The following TIMP2 variants were observed in gnomAD, a reference collection of about 807,000 sequenced individuals.
The protein encoded by TIMP2 is TIMP metallopeptidase inhibitor 2.
In TIMP2, 5 loss-of-function variants were observed where a neutral mutation model predicts 24.3. That is an observed-to-expected ratio of 0.21 (90% CI 0.11 to 0.43). TIMP2 has a LOEUF of 0.43. Ranked by LOEUF, TIMP2 falls within the 20% of genes least tolerant of loss-of-function variation. The pLI, the probability that TIMP2 is intolerant of heterozygous loss-of-function variation, is 1.00. For missense variants in TIMP2, 221 were observed against 297.5 expected, an observed-to-expected ratio of 0.74 and a Z score of 1.89; for synonymous variants, 130 against 123.2, an observed-to-expected ratio of 1.06 and a Z score of -0.37.
chr17:78,898,914 T>G (rs1231371392), intron 1 of TIMP2: 1 of 152,192 alleles, frequency 6.6e-6, no homozygotes, highest in Non-Finnish European at 1.5e-5. Context: ...ATTTTTGTAT[T>G]TTTAGTAGAG....
At position 78,857,564 on chromosome 17, in the gene TIMP2, C is replaced by T; in HGVS notation, c.423G>A (p.Lys141=). The change falls in exon 4 of 5, where the codon AAG becomes AAA. Residue 141 remains lysine, a synonymous_variant. Transcript: ENST00000262768. ...TCTGGTACCTGTGGTTCAGGCTCTTCTTCTGGGTGGTGCTCAGGGTGTCCC... is the reference window on the plus strand; with the variant it reads ...TCTGGTACCTGTGGTTCAGGCTCTTTTTCTGGGTGGTGCTCAGGGTGTCCC... ...VPWDTLSTTQ[K]KSLNHRYQMG... The T allele has an allele frequency of 1.2e-6, 2 of 1,614,186 alleles. No individual in the cohort carries two copies. Among genetic ancestry groups the T allele is most frequent in the African/African-American group, 1.3e-5 (1 of 75,042 alleles).
rs1006281562 is a variant in TIMP2, at chr17:78,875,318, A to G, written c.131-1399T>C. Reference sequence around the variant, plus strand: ...GCTGAGGAAGGACAAACAGAAGGAAAGAGGATCCCAACTAAGCCCCAACCA... The same window carrying G: ...GCTGAGGAAGGACAAACAGAAGGAAGGAGGATCCCAACTAAGCCCCAACCA... On this transcript the variant is annotated intron_variant, in intron 1 of 4. Coordinates refer to ENST00000262768, the MANE Select transcript of TIMP2 (RefSeq NM_003255.5). Among the ~76,000 whole-genome samples, 39 of 152,314 alleles carry G rather than the reference A, an allele frequency of 2.6e-4. No homozygotes were observed. In the East Asian group the frequency reaches 6.9e-3, roughly 27 times the overall value.
Position 78,855,324 on chromosome 17 carries a change from G to C in TIMP2, c.*343C>G, listed in dbSNP as rs1389875735. On this transcript the variant is annotated 3_prime_UTR_variant, in exon 5 of 5. Coordinates refer to ENST00000262768, the MANE Select transcript of TIMP2 (RefSeq NM_003255.5). The surrounding 1 kb of genome is among the most constrained non-coding windows in gnomAD (Gnocchi z 6.0). ...CATTTCCAGGCCCTGCCCTAACCCA[G>C]CTGGGAGATCCCTAAGTGCTGCCTG... 1 of 374,890 alleles carries C rather than the reference G, an allele frequency of 2.7e-6. No individual in the cohort carries two copies. Among genetic ancestry groups the C allele is most frequent in the Non-Finnish European group, 5.0e-6 (1 of 198,614 alleles). The allele number at this position is 374,890 out of a possible 1,614,324, so 23.2% of individuals were successfully genotyped here.
chr17:78,862,858 C>T (rs961079282), intron 3 of TIMP2, among the ~76,000 whole-genome samples: 2 of 152,288 alleles, frequency 1.3e-5, no homozygotes, highest in African/African-American at 4.8e-5. Flanking sequence ...TAATGGTTTC[C>T]AGCTGCACTC....
At chr17:78,916,355 T>C (rs767087191) in intron 1 of TIMP2, among the ~76,000 whole-genome samples, 3 of 152,194 alleles carry the variant, frequency 2.0e-5, no homozygotes, top group Non-Finnish European at 4.4e-5. Flanking sequence ...CCGTTTCCTG[T>C]TCCCTCCAAG....
intron 1 of TIMP2, chr17:78,898,333 G>T (rs12453433): frequency 6.6e-6 from 1 of 152,094 alleles, no homozygotes; most frequent in East Asian, 1.9e-4. Flanking sequence ...ATTCCGGGCC[G>T]AGCAGGCAGG....
chr17:78,890,620 C>T (rs758096995), intron 1 of TIMP2: 16 of 1,545,442 alleles, frequency 1.0e-5, no homozygotes, highest in East Asian at 4.9e-5. Flanking sequence ...GTATTTACCC[C>T]GGGTGGGCCT....
chr17:78,902,355 G>A (rs558806679), intron 1 of TIMP2, among the ~76,000 whole-genome samples: 4 of 152,324 alleles, frequency 2.6e-5, no homozygotes, highest in South Asian at 2.1e-4. Context: ...TGATCCACTC[G>A]CCTCGGCCTC....
rs1020224146 is a variant in TIMP2, at chr17:78,901,663, G to T, written c.130+23296C>A. On this transcript the variant is annotated intron_variant, in intron 1 of 4. Transcript: ENST00000262768. ...ACCTAGGCCAAGCGACTTCACTCTG[G>T]GTGCCTCAGTTTGCTCTTTAGGATG... 1.8e-5 allele frequency: 13 copies of T among 710,588 alleles called. No individual in the cohort carries two copies. In the Admixed American group the frequency reaches 2.6e-4, roughly 14 times the overall value. The allele number at this position is 710,588 out of a possible 1,614,324, so 44.0% of individuals were successfully genotyped here.
rs79656746 is a variant in TIMP2 at position 78,872,836 on chromosome 17, T to C, written c.231+983A>G. 3.2e-4 allele frequency among the ~76,000 whole-genome samples: 48 copies of C among 152,252 alleles called. 1 individual carries two copies. The East Asian group carries it at 8.3e-3, about 26-fold the overall frequency. On this transcript the variant is annotated intron_variant, in intron 2 of 4. Transcript: ENST00000262768. ...ATTGATTTTCAGCTACTTTTTTTTT[T>C]TTCTTTTTTTGAGATGGAGTTTCGC...
chr17:78,901,028 G>A (rs569394516), intron 1 of TIMP2: 1 of 152,582 alleles, frequency 6.6e-6, no homozygotes, highest in East Asian at 1.9e-4. Flanking sequence ...GACGCCGGCA[G>A]GCACAGCGCC....
chr17:78,900,123 G>A (rs1161109254), intron 1 of TIMP2: 1 of 152,134 alleles, frequency 6.6e-6, no homozygotes, highest in African/African-American at 2.4e-5. Context: ...AAAGAACAGA[G>A]GTCCCATAAA....
intron 1 of TIMP2, among the ~76,000 whole-genome samples, chr17:78,883,982 C>T (rs1172104382): frequency 6.6e-6 from 1 of 152,240 alleles, no homozygotes; most frequent in Non-Finnish European, 1.5e-5. Flanking sequence ...AACAATGCAC[C>T]AGACCCCGGG....
At chr17:78,908,665 G>C (rs1568006833) in intron 1 of TIMP2, among the ~76,000 whole-genome samples, 1 of 152,152 alleles carries the variant, frequency 6.6e-6, no homozygotes, top group Non-Finnish European at 1.5e-5. Context: ...TTGTAAATAA[G>C]GAAGATGTGA....
intron 1 of TIMP2, among the ~76,000 whole-genome samples, chr17:78,880,773 A>G (rs550875399): frequency 5.3e-5 from 8 of 152,334 alleles, no homozygotes; most frequent in Non-Finnish European, 1.0e-4. Context: ...TTATCTTGCC[A>G]GGGGCCCAAC....
chr17:78,880,177 G>A (rs573034606), intron 1 of TIMP2, among the ~76,000 whole-genome samples: 15 of 152,268 alleles, frequency 9.9e-5, no homozygotes, highest in Admixed American at 4.6e-4. Flanking sequence ...AGGCAGAGAC[G>A]CCACGGCTTC....
chr17:78,856,676 G>A (rs2069526789), intron 4 of TIMP2: 1 of 152,388 alleles, frequency 6.6e-6, no homozygotes, highest in South Asian at 2.1e-4. Context: ...GCCACATCTA[G>A]GCGCTGCACT....
chr17:78,919,784 A>G (rs945384993), intron 1 of TIMP2, among the ~76,000 whole-genome samples: 5 of 152,034 alleles, frequency 3.3e-5, no homozygotes, highest in South Asian at 2.1e-4. Flanking sequence ...GCAGTGAGCC[A>G]AGATAGCGCC....
chr17:78,855,823 C>G lies in TIMP2; in HGVS notation c.507G>C (p.Pro169=). 9.3e-6 allele frequency: 15 copies of G among 1,614,066 alleles called. No individual in the cohort carries two copies. The highest frequency in any genetic ancestry group is 1.2e-5 in the Non-Finnish European group (14 of 1,180,008). Reference sequence around the variant, plus strand: ...CCCAGTCCATCCAGAGGCACTCGTCCGGGGAGGAGATGTAGCACGGGATCA... The same window carrying G: ...CCCAGTCCATCCAGAGGCACTCGTCGGGGGAGGAGATGTAGCACGGGATCA... The part of the protein sequence containing the change: ...CPMIPCYISS[P]DECLWMDWVT... Residue 169 remains proline, a synonymous_variant, in exon 5 of 5, where the codon CCG becomes CCC. Transcript: ENST00000262768. The surrounding 1 kb of genome is among the most constrained non-coding windows in gnomAD (Gnocchi z 6.0).
Sources: gnomAD v4.1 joint callset for allele counts (sites outside exome capture counted in the v4.1 genomes callset) on GRCh38, gnomAD v4.1.1 for gene constraint, Gnocchi (gnomAD v3.1) non-coding constraint, MANE v1.5 for transcripts, NCBI Gene and HGNC (gene_info 2026-07-23, HGNC 2026-07-21) for gene names.